SLAMF9: variants seen among roughly 807,000 people sequenced by gnomAD.
SLAMF9 encodes SLAM family member 9.
A neutral mutation model predicts 30.4 loss-of-function variants in SLAMF9; 25 were observed. That is an observed-to-expected ratio of 0.82 (90% CI 0.60 to 1.15). The LOEUF (loss-of-function observed/expected upper bound fraction) is 1.15, where lower values mean the gene tolerates loss of function less well. Ranked by LOEUF, SLAMF9 falls within the 50% of genes most tolerant of loss-of-function variation. The probability of loss-of-function intolerance (pLI) is 0.00; values close to 1 mark genes in which losing one functional copy is unlikely to be tolerated. For missense variants in SLAMF9, 344 were observed against 346.1 expected (o/e 0.99, Z 0.05); for synonymous variants, 129 against 127.2 (o/e 1.01, Z -0.09).
chr1:159,955,332 G>A (rs1651899345), upstream of SLAMF9, among the ~76,000 whole-genome samples: 2 of 152,140 alleles, frequency 1.3e-5, no homozygotes, highest in Admixed American at 1.3e-4. Flanking sequence ...CAAGCTAAGA[G>A]GACAATCACT....
the SLAMF9 span, among the ~76,000 whole-genome samples, chr1:159,969,655 T>C: frequency 6.6e-6 from 1 of 152,200 alleles, no homozygotes; most frequent in Non-Finnish European, 1.5e-5. Context: ...TTTCACCTAG[T>C]TACATATTAG....
chr1:159,974,098 T>C, the SLAMF9 span: 1 of 1,472,714 alleles, frequency 6.8e-7, no homozygotes, highest in Non-Finnish European at 9.4e-7. Flanking sequence ...GCCCTGGAGC[T>C]GCAGGTCCCA....
At chr1:159,956,643 T>C (rs949372181), upstream of SLAMF9, among the ~76,000 whole-genome samples, 2 of 151,490 alleles carry the variant, frequency 1.3e-5, no homozygotes, top group African/African-American at 4.9e-5. Context: ...GAAAGCTGAG[T>C]AGCGGGTGGT....
chr1:159,953,874 G>T (rs1410311730), intron 1 of SLAMF9, among the ~76,000 whole-genome samples: 1 of 152,140 alleles, frequency 6.6e-6, no homozygotes, highest in Non-Finnish European at 1.5e-5. Flanking sequence ...CACCCTCCAA[G>T]TTTTACCTTC....
intron 1 of SLAMF9, 140 bp downstream of exon 1, chr1:159,953,952 C>T: frequency 2.9e-6 from 3 of 1,028,326 alleles, no homozygotes; most frequent in Non-Finnish European, 4.3e-6. Context: ...GCCCTGAAGC[C>T]ACACACCCTA....
In SLAMF9 at chr1:159,954,144, A is replaced by G; in HGVS notation, c.-7T>C. On this transcript the variant is annotated 5_prime_UTR_variant, in exon 1 of 4. Coordinates refer to ENST00000368093, the MANE Select transcript of SLAMF9 (RefSeq NM_033438.4). ...GCCAAGGAAAGGCACACATGTCAGC[A>G]GCCCCCAGCCCCAGAGGTGTGATTC... The G allele has an allele frequency of 1.2e-6, 2 of 1,614,128 alleles. No homozygotes were observed. The highest frequency in any genetic ancestry group is 1.7e-6 in the Non-Finnish European group (2 of 1,180,004).
the SLAMF9 span, among the ~76,000 whole-genome samples, chr1:159,965,234 C>T: frequency 1.3e-5 from 2 of 152,128 alleles, no homozygotes; most frequent in Non-Finnish European, 1.5e-5. Flanking sequence ...AGATCTGTAC[C>T]GTCTGATCAG....
chr1:159,957,632 T>C (rs1651955120), upstream of SLAMF9, among the ~76,000 whole-genome samples: 1 of 151,910 alleles, frequency 6.6e-6, no homozygotes, highest in Admixed American at 6.6e-5. Context: ...AAAAAAAAAA[T>C]TGCTAAGACA....
the SLAMF9 span, among the ~76,000 whole-genome samples, chr1:159,977,379 C>T: frequency 6.6e-5 from 10 of 152,228 alleles, no homozygotes; most frequent in East Asian, 1.9e-4. Context: ...TACTGGAAGA[C>T]GTGAGGTTAG....
chr1:159,952,895 A>G (rs1224231178), intron 2 of SLAMF9, among the ~76,000 whole-genome samples: 1 of 152,228 alleles, frequency 6.6e-6, no homozygotes, highest in African/African-American at 2.4e-5. Context: ...GCTTCAAGGT[A>G]GATGCAGTGT....
At chr1:159,972,771 T>G in the SLAMF9 span, 2 of 553,698 alleles carry the variant, frequency 3.6e-6, no homozygotes, top group Non-Finnish European at 5.5e-6. Context: ...ACAGAGGAGC[T>G]GTACCACATC....
chr1:159,981,815 T>C, the SLAMF9 span, among the ~76,000 whole-genome samples: 1 of 152,262 alleles, frequency 6.6e-6, no homozygotes, highest in East Asian at 1.9e-4. Context: ...CTGTGCCTGA[T>C]GTGAGGCCTC....
the SLAMF9 span, among the ~76,000 whole-genome samples, chr1:159,963,685 T>C: frequency 5.4e-4 from 82 of 152,312 alleles, no homozygotes; most frequent in African/African-American, 1.9e-3. Flanking sequence ...TGATTGCATG[T>C]CCTGTGACTC....
chr1:159,966,157 A>G, the SLAMF9 span, among the ~76,000 whole-genome samples: 1 of 152,120 alleles, frequency 6.6e-6, no homozygotes, highest in Non-Finnish European at 1.5e-5. Flanking sequence ...TTATTCTTCT[A>G]CAAATTCAAC....
At chr1:159,972,965 CT>C in the SLAMF9 span, 16 of 1,199,064 alleles carry the variant, frequency 1.3e-5, no homozygotes, top group African/African-American at 2.2e-4. Flanking sequence ...GCCCAGACCC[CT>C]GGGGGCGTCG....
chr1:159,974,399 A>G, the SLAMF9 span, among the ~76,000 whole-genome samples: 2 of 151,936 alleles, frequency 1.3e-5, no homozygotes, highest in African/African-American at 4.8e-5. Flanking sequence ...GAATCATCCC[A>G]ATTATGTAGC....
the SLAMF9 span, among the ~76,000 whole-genome samples, chr1:159,961,975 G>A: frequency 6.6e-6 from 1 of 151,964 alleles, no homozygotes; most frequent in Non-Finnish European, 1.5e-5. Flanking sequence ...CGGCCAACAT[G>A]GTGAAACCCC....
chr1:159,953,129 G>A (rs1651816450), intron 2 of SLAMF9, among the ~76,000 whole-genome samples, 180 bp downstream of exon 2: 1 of 152,186 alleles, frequency 6.6e-6, no homozygotes, highest in Admixed American at 6.5e-5. Context: ...GCCTGTTGCT[G>A]CGGTTCAGAT....
chr1:159,965,267 G>A, the SLAMF9 span, among the ~76,000 whole-genome samples: 3 of 152,206 alleles, frequency 2.0e-5, no homozygotes, highest in African/African-American at 7.2e-5. Flanking sequence ...AGTACCGTGA[G>A]GAAAAACAAG....
Sources: allele counts gnomAD v4.1 joint callset (sites outside exome capture counted in the v4.1 genomes callset), GRCh38; gene constraint gnomAD v4.1.1; transcripts MANE v1.5; gene names NCBI Gene and HGNC (gene_info 2026-07-23, HGNC 2026-07-21).